Variants in UBR3 observed in about 807,000 individuals in gnomAD.
UBR3 encodes the protein E3 ubiquitin-protein ligase UBR3.
UBR3 carries 85 observed loss-of-function variants against 243.2 expected under a neutral mutation model. The observed-to-expected ratio is 0.35, with a 90% CI of 0.29 to 0.42. The LOEUF (loss-of-function observed/expected upper bound fraction) is 0.42, where lower values mean the gene tolerates loss of function less well. Among genes scored for constraint, UBR3 ranks in the 10% least tolerant of loss-of-function variants. UBR3 has a pLI of 1.00. For synonymous variants in UBR3, 748 were observed against 799.8 expected, an observed-to-expected ratio of 0.94 and a Z score of 1.09; for missense variants, 1,686 against 2,300.8, an observed-to-expected ratio of 0.73 and a Z score of 5.47.
chr2:169,982,288 AC>A (rs1423861177), intron 24 of UBR3, among the ~76,000 whole-genome samples: 4 of 152,060 alleles, frequency 2.6e-5, no homozygotes, highest in Non-Finnish European at 5.9e-5. Context: ...CCATTCAGCC[AC>A]AAAACCCACA....
At chr2:169,988,212 A>T (rs1273168300) in intron 25 of UBR3, among the ~76,000 whole-genome samples, 1 of 152,248 alleles carries the variant, frequency 6.6e-6, no homozygotes, top group Non-Finnish European at 1.5e-5. Flanking sequence ...TAAATACTAT[A>T]TAGTTATCAA....
At chr2:170,077,730 C>A in intron 36 of UBR3, 1 of 290,794 alleles carries the variant, frequency 3.4e-6, no homozygotes, top group Non-Finnish European at 6.3e-6. Flanking sequence ...GGATTACAGG[C>A]GCCTGCCACT....
intron 24 of UBR3, among the ~76,000 whole-genome samples, chr2:169,975,477 A>C (rs986915879): frequency 5.3e-5 from 8 of 152,200 alleles, no homozygotes; most frequent in South Asian, 2.1e-4. Flanking sequence ...ATTTGGCTTA[A>C]AGTGCAGTTT....
chr2:170,053,097 T>C (rs1356008329), intron 32 of UBR3, among the ~76,000 whole-genome samples: 3 of 152,146 alleles, frequency 2.0e-5, no homozygotes, highest in Non-Finnish European at 2.9e-5. Context: ...AGAATTAACA[T>C]AGAAGGCCTG....
chr2:169,954,490 G>T (rs891854747), intron 23 of UBR3, among the ~76,000 whole-genome samples: 1 of 150,822 alleles, frequency 6.6e-6, no homozygotes, highest in Non-Finnish European at 1.5e-5. Flanking sequence ...TGATCCCCCC[G>T]CCTCAGCCCC....
chr2:169,931,697 A>G (rs1302999097), intron 18 of UBR3, among the ~76,000 whole-genome samples: 2 of 152,146 alleles, frequency 1.3e-5, no homozygotes, highest in African/African-American at 4.8e-5. Flanking sequence ...TTTTTGCCAC[A>G]TCTAAATAGC....
chr2:170,074,452 A>T (rs551019499), intron 36 of UBR3, among the ~76,000 whole-genome samples: 10 of 152,252 alleles, frequency 6.6e-5, no homozygotes, highest in Non-Finnish European at 7.4e-5. Context: ...GGAAGAAGGT[A>T]TGGACTCCTT....
intron 1 of UBR3, among the ~76,000 whole-genome samples, chr2:169,853,838 A>G (rs1311038010): frequency 1.3e-5 from 2 of 150,138 alleles, no homozygotes; most frequent in Non-Finnish European, 3.0e-5. Flanking sequence ...TGTTGTTTAT[A>G]TGTGCATATG....
chr2:169,853,105 C>G (rs550237502), intron 1 of UBR3, among the ~76,000 whole-genome samples: 3 of 152,232 alleles, frequency 2.0e-5, no homozygotes, highest in Admixed American at 1.3e-4. Flanking sequence ...ATAACTAACA[C>G]ATAACTATTT....
Position 169,836,037 on chromosome 2 carries a change from CTCTCTCTATATATA to C in UBR3, c.545+7987_545+8000del, listed in dbSNP as rs1275302792. Among the ~76,000 whole-genome samples, 15 of 12,548 alleles carry C rather than the reference CTCTCTCTATATATA, an allele frequency of 1.2e-3. 1 individual carries two copies. The highest frequency in any genetic ancestry group is 3.2e-3 in the African/African-American group (10 of 3,080). The allele number at this position is 12,548 out of a possible 152,430, so 8.2% of individuals were successfully genotyped here. On this transcript the variant is annotated intron_variant, in intron 1 of 38. Coordinates refer to ENST00000272793, the MANE Select transcript of UBR3 (RefSeq NM_172070.4). ...TCTCTCTCTCTCTCTCTCTCTCTCTCTCTCTCTATATATATATATATATATATATATTTTTTTTT... is the reference window on the plus strand; with the variant it reads ...TCTCTCTCTCTCTCTCTCTCTCTCTCTATATATATATATATATTTTTTTTT...
intron 25 of UBR3, among the ~76,000 whole-genome samples, chr2:169,992,796 TGTTGCTCAGGCTA>T (rs1235875532): frequency 6.6e-6 from 1 of 152,216 alleles, no homozygotes; most frequent in Non-Finnish European, 1.5e-5. Context: ...AGTCCCTCTC[TGTTGCTCAGGCTA>T]GAGTGCAGTG....
At chr2:170,002,254 C>CTT (rs2089740172) in intron 27 of UBR3, among the ~76,000 whole-genome samples, 2 of 152,190 alleles carry the variant, frequency 1.3e-5, no homozygotes. Flanking sequence ...GCTATCCCAG[C>CTT]TTGAAAAGTC....
In UBR3 at chr2:169,912,645, A is replaced by G. The variant is rs138362082; in HGVS notation, c.1780-1415A>G. On this transcript the variant is annotated intron_variant, in intron 10 of 38. Transcript: ENST00000272793. ...GGGTTGATTCTACTTTTTGGCTGCTATGAATAATACTTCTGTGAATGTTTA... is the reference window on the plus strand; with the variant it reads ...GGGTTGATTCTACTTTTTGGCTGCTGTGAATAATACTTCTGTGAATGTTTA... Among the ~76,000 whole-genome samples the G allele has an allele frequency of 7.3e-3, 1,115 of 152,276 alleles. 2 individuals carry two copies. Among genetic ancestry groups the G allele is most frequent in the South Asian group, 0.026 (127 of 4,818 alleles).
chr2:170,022,026 A>C (rs1008190644), intron 30 of UBR3, among the ~76,000 whole-genome samples: 2 of 152,118 alleles, frequency 1.3e-5, no homozygotes, highest in Non-Finnish European at 2.9e-5. Flanking sequence ...GAGGTGCTTA[A>C]ATAAGACCTG....
chr2:169,917,876 T>C (rs1446079931), intron 11 of UBR3, among the ~76,000 whole-genome samples: 1 of 152,114 alleles, frequency 6.6e-6, no homozygotes, highest in African/African-American at 2.4e-5. Flanking sequence ...CTAATTTTTG[T>C]ATTTTTAGTA....
At chr2:169,966,299 C>T (rs543326189) in intron 24 of UBR3, among the ~76,000 whole-genome samples, 56 of 152,020 alleles carry the variant, frequency 3.7e-4, no homozygotes, top group Non-Finnish European at 6.0e-4. Flanking sequence ...AATTACGTTC[C>T]CAGTGAGAGT....
intron 24 of UBR3, among the ~76,000 whole-genome samples, chr2:169,973,707 T>C (rs1240246368): frequency 6.6e-6 from 1 of 152,234 alleles, no homozygotes; most frequent in Non-Finnish European, 1.5e-5. Context: ...CTTGCCTAAA[T>C]GCTCTGGCTA....
At chr2:170,018,318 C>A (rs192545738) in intron 30 of UBR3, among the ~76,000 whole-genome samples, 3 of 152,274 alleles carry the variant, frequency 2.0e-5, no homozygotes, top group African/African-American at 7.2e-5. Context: ...CCCTGGATAC[C>A]AGTTAGCTCT....
chr2:169,890,563 A>ATATATATATATATATATATGTG (rs1255881148), intron 5 of UBR3, among the ~76,000 whole-genome samples: 67 of 83,750 alleles, frequency 8.0e-4, no homozygotes, highest in African/African-American at 2.6e-3. Flanking sequence ...ATATATATAT[A>ATATATATATATATATATATGTG]TGTGTATATA....
Sources: allele counts gnomAD v4.1 joint callset (sites outside exome capture counted in the v4.1 genomes callset), GRCh38; gene constraint gnomAD v4.1.1; transcripts MANE v1.5; gene names NCBI Gene and HGNC (gene_info 2026-07-23, HGNC 2026-07-21).